The following OR52N2 variants were observed in gnomAD, a reference collection of about 807,000 sequenced individuals.
OR52N2 encodes olfactory receptor 52N2.
For synonymous variants in OR52N2, 129 were observed against 72.0 expected, an observed-to-expected ratio of 1.79 and a Z score of -4.01; for missense variants, 326 against 196.6, an observed-to-expected ratio of 1.66 and a Z score of -3.94.
chr11:5,817,364 C>T (rs1382228709), intron 1 of OR52N2, among the ~76,000 whole-genome samples: 1 of 151,604 alleles, frequency 6.6e-6, no homozygotes, highest in Non-Finnish European at 1.5e-5. Flanking sequence ...ACCAATACTA[C>T]CTTGAAAAAA....
At chr11:5,816,333 T>C (rs77919154) in intron 1 of OR52N2, among the ~76,000 whole-genome samples, 3,341 of 152,264 alleles carry the variant, frequency 0.022, 109 homozygotes, top group African/African-American at 0.077. Context: ...GCAAACTTTG[T>C]TATGTATATT....
chr11:5,818,504 C>T (rs1284367611), intron 1 of OR52N2, among the ~76,000 whole-genome samples: 2 of 152,094 alleles, frequency 1.3e-5, no homozygotes, highest in Non-Finnish European at 2.9e-5. Flanking sequence ...TAAAGATTCT[C>T]AGCCATGCAC....
At chr11:5,814,196 T>C (rs770691979) in intron 1 of OR52N2, among the ~76,000 whole-genome samples, 26 of 152,104 alleles carry the variant, frequency 1.7e-4, no homozygotes, top group Non-Finnish European at 2.5e-4. Flanking sequence ...GGCCTCTCAA[T>C]TGAAAAAGAA....
chr11:5,820,203 T>A (rs550537807), intron 1 of OR52N2, 79 bp from the exon 2 acceptor site: 1 of 666,834 alleles, frequency 1.5e-6, no homozygotes, highest in Non-Finnish European at 2.7e-6. Flanking sequence ...GTAAGGTGAA[T>A]GTACATGGCA....
intron 1 of OR52N2, among the ~76,000 whole-genome samples, chr11:5,818,263 A>C (rs555878949): frequency 4.6e-5 from 7 of 152,230 alleles, no homozygotes; most frequent in Admixed American, 4.6e-4. Flanking sequence ...TCATGACCAG[A>C]CTTGGTGACC....
intron 1 of OR52N2, among the ~76,000 whole-genome samples, chr11:5,816,608 C>T (rs11039140): frequency 0.25 from 37,783 of 151,460 alleles, 4,703 homozygotes; most frequent in Middle Eastern, 0.31. Flanking sequence ...AGAGTTATCT[C>T]AGCTCACTGC....
chr11:5,815,876 G>A (rs545903114), intron 1 of OR52N2, among the ~76,000 whole-genome samples: 14 of 135,542 alleles, frequency 1.0e-4, no homozygotes, highest in Non-Finnish European at 2.3e-4. Context: ...AATGTAGTAT[G>A]TATGTGTATG....
chr11:5,812,428 G>A (rs995612376), intron 1 of OR52N2, among the ~76,000 whole-genome samples: 2 of 144,374 alleles, frequency 1.4e-5, no homozygotes, highest in African/African-American at 5.2e-5. Flanking sequence ...CCAGGAGGCG[G>A]AGCTTGCAGT....
rs1248352738 is a variant in OR52N2, at chr11:5,820,934, A to G, written c.599A>G (p.Tyr200Cys). 1.3e-6 allele frequency: 1 copy of G among 780,846 alleles called. No individual in the cohort carries two copies. The highest frequency in any genetic ancestry group is 2.4e-6 in the Non-Finnish European group (1 of 418,098). The allele number at this position is 780,846 out of a possible 1,614,324, so 48.4% of individuals were successfully genotyped here. A position where few individuals can be genotyped will look rare whatever the true frequency, so the allele number is the denominator to read the frequency against. Residue 200 changes from tyrosine to cysteine, a missense_variant, in exon 2 of 2, where the codon TAT (tyrosine) becomes TGT (cysteine). Tyr to Cys is a radical substitution (Grantham distance 194). Coordinates refer to ENST00000317037, the MANE Select transcript of OR52N2 (RefSeq NM_001005174.3). ...SCGNFKVNAI[Y>C]GLMVALLIGV... is the part of the protein sequence containing the mutation. ...GGCAATTTCAAGGTCAATGCTATTT[A>G]TGGTCTGATGGTTGCTCTCCTGATT...
chr11:5,815,779 A>T (rs1590366541), intron 1 of OR52N2, among the ~76,000 whole-genome samples: 1 of 152,168 alleles, frequency 6.6e-6, no homozygotes, highest in South Asian at 2.1e-4. Context: ...CTGCAGTCAC[A>T]CGTTCATTGC....
chr11:5,812,126 A>C (rs564149355), intron 1 of OR52N2, among the ~76,000 whole-genome samples: 32 of 152,004 alleles, frequency 2.1e-4, no homozygotes, highest in Non-Finnish European at 4.4e-4. Context: ...AGGTACAGCA[A>C]ACCACCATGG....
At chr11:5,819,735 A>C (rs1245520904) in intron 1 of OR52N2, among the ~76,000 whole-genome samples, 1 of 152,212 alleles carries the variant, frequency 6.6e-6, no homozygotes, top group African/African-American at 2.4e-5. Context: ...TATTATCTTG[A>C]GTAAGTTATG....
chr11:5,809,698 G>C (rs1846340204), intron 1 of OR52N2, among the ~76,000 whole-genome samples: 1 of 148,546 alleles, frequency 6.7e-6, no homozygotes, highest in Admixed American at 6.7e-5. Context: ...CTATAAAAAA[G>C]CTGAAAAATG....
At chr11:5,812,729 G>C (rs1307784943) in intron 1 of OR52N2, among the ~76,000 whole-genome samples, 1 of 151,872 alleles carries the variant, frequency 6.6e-6, no homozygotes, top group African/African-American at 2.4e-5. Flanking sequence ...ACAATGAAAA[G>C]ATCACCCAGA....
At chr11:5,816,807 C>T (rs1354313358) in intron 1 of OR52N2, among the ~76,000 whole-genome samples, 2 of 152,084 alleles carry the variant, frequency 1.3e-5, no homozygotes, top group Non-Finnish European at 2.9e-5. Flanking sequence ...TGAGCCACTG[C>T]GCCTGACCTC....
At chr11:5,812,304 C>A (rs1846368368) in intron 1 of OR52N2, among the ~76,000 whole-genome samples, 1 of 149,026 alleles carries the variant, frequency 6.7e-6, no homozygotes, top group Admixed American at 6.7e-5. Context: ...ACCATCCTGG[C>A]TAACACGGTG....
rs561151861 is a variant in OR52N2 at position 5,809,666 on chromosome 11, T to G, written c.-55+612T>G. Among the ~76,000 whole-genome samples the G allele has an allele frequency of 5.5e-5, 8 of 146,104 alleles. 1 individual carries two copies. The highest frequency in any genetic ancestry group is 2.0e-4 in the African/African-American group (8 of 39,870). ...TTGTCTTTCAAAAAAAAAAAAAAAGTAAAGCTATTTTCAAAGCAGTTCTAT... is the reference window on the plus strand; with the variant it reads ...TTGTCTTTCAAAAAAAAAAAAAAAGGAAAGCTATTTTCAAAGCAGTTCTAT... On this transcript the variant is annotated intron_variant, in intron 1 of 1. Coordinates refer to ENST00000317037, the MANE Select transcript of OR52N2 (RefSeq NM_001005174.3).
intron 1 of OR52N2, among the ~76,000 whole-genome samples, chr11:5,819,051 C>T (rs1476290297): frequency 6.6e-6 from 1 of 152,158 alleles, no homozygotes; most frequent in Non-Finnish European, 1.5e-5. Flanking sequence ...TAGAATGTTT[C>T]GGTCACAGAA....
chr11:5,820,575 A>C lies in OR52N2; in HGVS notation c.240A>C (p.Val80=). The stretch of plus-strand genomic sequence containing the variant: ...ATGTCACCTTGTGCACCACCATGGT[A>C]CCTAATATGCTGTGCATATTCTGGT... The part of the protein sequence containing the change: ...FTDVTLCTTM[V]PNMLCIFWFN... Residue 80 remains valine, a synonymous_variant, in exon 2 of 2, where the codon GTA becomes GTC. Transcript: ENST00000317037. 1.3e-6 allele frequency: 1 copy of C among 781,182 alleles called. No individual in the cohort carries two copies. Among genetic ancestry groups the C allele is most frequent in the Non-Finnish European group, 2.4e-6 (1 of 418,376 alleles). The allele number at this position is 781,182 out of a possible 1,614,324, so 48.4% of individuals were successfully genotyped here. A position where few individuals can be genotyped will look rare whatever the true frequency, so the allele number is the denominator to read the frequency against.
Sources: allele counts gnomAD v4.1 joint callset (sites outside exome capture counted in the v4.1 genomes callset), GRCh38; gene constraint gnomAD v4.1.1; transcripts MANE v1.5; gene names NCBI Gene and HGNC (gene_info 2026-07-23, HGNC 2026-07-21).